The following NRXN3 variants were observed in gnomAD, a reference collection of about 807,000 sequenced individuals.
The protein encoded by NRXN3 is neurexin III.
Under a neutral mutation model 137.6 loss-of-function variants are expected in NRXN3, and 32 were observed. The ratio of observed to expected loss-of-function variants is 0.23; its 90% confidence interval spans 0.18 to 0.31. The LOEUF is 0.31. NRXN3 is among the 10% of genes least tolerant of loss of function. The pLI, the probability that NRXN3 is intolerant of heterozygous loss-of-function variation, is 1.00. For missense variants in NRXN3, 1,574 were observed against 2,062.5 expected (o/e 0.76, Z 4.59); for synonymous variants, 798 against 784.5 (o/e 1.02, Z -0.29).
chr14:79,614,554 C>A (rs766056945), intron 16 of NRXN3, among the ~76,000 whole-genome samples: 14 of 152,150 alleles, frequency 9.2e-5, no homozygotes, highest in Non-Finnish European at 1.5e-4. Flanking sequence ...CTACTCCCTC[C>A]TTGCTTTTCC....
chr14:79,124,612 A>G (rs904260157), intron 15 of NRXN3, among the ~76,000 whole-genome samples: 3 of 152,166 alleles, frequency 2.0e-5, no homozygotes, highest in African/African-American at 7.2e-5. Flanking sequence ...GATACTGTTA[A>G]ATAAACGTGA....
At chr14:79,611,255 G>T (rs187322102) in intron 16 of NRXN3, among the ~76,000 whole-genome samples, 3 of 152,280 alleles carry the variant, frequency 2.0e-5, no homozygotes, top group Admixed American at 2.0e-4. Flanking sequence ...AGTGAGAAAG[G>T]TAAGGTAAAA....
chr14:79,113,651 T>C (rs1224359561), intron 15 of NRXN3, among the ~76,000 whole-genome samples: 1 of 152,172 alleles, frequency 6.6e-6, no homozygotes, highest in Non-Finnish European at 1.5e-5. Context: ...TTTGGTTTTT[T>C]CCCCCTATGT....
intron 8 of NRXN3, among the ~76,000 whole-genome samples, chr14:78,782,567 T>C (rs1258179623): frequency 6.6e-6 from 1 of 152,190 alleles, no homozygotes; most frequent in Non-Finnish European, 1.5e-5. Context: ...TTCACAGCCT[T>C]GCTATGCCTA....
intron 4 of NRXN3, among the ~76,000 whole-genome samples, chr14:78,591,885 G>A (rs895450501): frequency 2.0e-5 from 3 of 152,270 alleles, no homozygotes; most frequent in South Asian, 2.1e-4. Context: ...CCTGTGGAAT[G>A]TTTAGATTCA....
intron 16 of NRXN3, among the ~76,000 whole-genome samples, chr14:79,555,837 G>T (rs572425169): frequency 5.9e-5 from 9 of 152,226 alleles, no homozygotes; most frequent in African/African-American, 2.2e-4. Context: ...AACTTGCTTT[G>T]TTTGCAGACC....
chr14:78,739,460 C>T (rs1338026026), intron 8 of NRXN3, among the ~76,000 whole-genome samples: 4 of 152,174 alleles, frequency 2.6e-5, no homozygotes, highest in Non-Finnish European at 4.4e-5. Flanking sequence ...TACTCTTTCA[C>T]AGACAACTCT....
intron 15 of NRXN3, among the ~76,000 whole-genome samples, chr14:79,287,609 C>A (rs1477777590): frequency 6.6e-6 from 1 of 152,060 alleles, no homozygotes; most frequent in Non-Finnish European, 1.5e-5. Flanking sequence ...TACTAGGGCT[C>A]AAAGTTTGTA....
chr14:78,959,735 G>T (rs1478168785), intron 11 of NRXN3, among the ~76,000 whole-genome samples: 1 of 152,148 alleles, frequency 6.6e-6, no homozygotes, highest in Non-Finnish European at 1.5e-5. Flanking sequence ...AGCGCCCGCA[G>T]CCAACCTGAA....
At chr14:78,796,207 T>C (rs112277104) in intron 8 of NRXN3, among the ~76,000 whole-genome samples, 66 of 152,364 alleles carry the variant, frequency 4.3e-4, no homozygotes, top group Non-Finnish European at 8.2e-4. Context: ...CAATTGTCTC[T>C]TCCTCAGCTT....
At chr14:79,473,925 T>G (rs1207152044) in intron 16 of NRXN3, among the ~76,000 whole-genome samples, 1 of 152,152 alleles carries the variant, frequency 6.6e-6, no homozygotes, top group East Asian at 1.9e-4. Context: ...GATGATTGGA[T>G]GAAGTGACTG....
intron 15 of NRXN3, among the ~76,000 whole-genome samples, chr14:79,383,822 G>A (rs1350428950): frequency 1.3e-5 from 2 of 152,070 alleles, no homozygotes; most frequent in Non-Finnish European, 2.9e-5. Flanking sequence ...CTATAGATTT[G>A]CTGCCTCTTA....
chr14:78,680,740 A>T (rs2098065971), intron 6 of NRXN3, among the ~76,000 whole-genome samples: 1 of 152,154 alleles, frequency 6.6e-6, no homozygotes, highest in Non-Finnish European at 1.5e-5. Flanking sequence ...TCCTTTTCAG[A>T]TGTCATTAAG....
intron 19 of NRXN3, among the ~76,000 whole-genome samples, chr14:79,702,591 C>T (rs1413066161): frequency 2.6e-5 from 4 of 152,010 alleles, no homozygotes; most frequent in Middle Eastern, 3.4e-3. Context: ...CCAAGTAGAA[C>T]AGAGAATGCA....
At chr14:79,023,023 C>T (rs1238791794) in intron 15 of NRXN3, among the ~76,000 whole-genome samples, 1 of 151,854 alleles carries the variant, frequency 6.6e-6, no homozygotes, top group Non-Finnish European at 1.5e-5. Flanking sequence ...TTTCTGGGCA[C>T]CTCTCCTGCT....
chr14:79,567,578 A>G (rs933195439), intron 16 of NRXN3, among the ~76,000 whole-genome samples: 1 of 152,066 alleles, frequency 6.6e-6, no homozygotes, highest in East Asian at 1.9e-4. Flanking sequence ...TTCACTTAGC[A>G]ATATTTAACT....
chr14:79,463,805 G>A (rs1270582877), intron 15 of NRXN3, among the ~76,000 whole-genome samples: 1 of 152,016 alleles, frequency 6.6e-6, no homozygotes, highest in Non-Finnish European at 1.5e-5. Flanking sequence ...CGAGGCTCAG[G>A]GGAGAAAGCA....
chr14:78,770,087 C>G (rs549887584), intron 8 of NRXN3, among the ~76,000 whole-genome samples: 12 of 152,206 alleles, frequency 7.9e-5, no homozygotes, highest in Admixed American at 7.8e-4. Flanking sequence ...TTAGTGACAA[C>G]ATTTATTAAC....
intron 6 of NRXN3, among the ~76,000 whole-genome samples, chr14:78,688,755 CAT>C (rs2098143442): frequency 6.6e-6 from 1 of 151,906 alleles, no homozygotes; most frequent in South Asian, 2.1e-4. Flanking sequence ...ATAAGTCAGA[CAT>C]AGAGAAAAAC....
Sources: gnomAD v4.1 joint callset for allele counts (sites outside exome capture counted in the v4.1 genomes callset) on GRCh38, gnomAD v4.1.1 for gene constraint, MANE v1.5 for transcripts, NCBI Gene and HGNC (gene_info 2026-07-23, HGNC 2026-07-21) for gene names.